TKT: variants seen among roughly 807,000 people sequenced by gnomAD.
TKT encodes the protein epididymis luminal protein 107.
In TKT, 47 loss-of-function variants were observed where a neutral mutation model predicts 63.9. That is an observed-to-expected ratio of 0.74 (90% CI 0.58 to 0.94). TKT has a LOEUF of 0.94. TKT is among the 40% of genes least tolerant of loss of function. TKT has a pLI of 0.00. For synonymous variants in TKT, 338 were observed against 334.1 expected (o/e 1.01, Z -0.13); for missense variants, 721 against 846.2 (o/e 0.85, Z 1.84).
At chr3:53,245,900 T>C (rs1320182748) in intron 1 of TKT, among the ~76,000 whole-genome samples, 1 of 152,178 alleles carries the variant, frequency 6.6e-6, no homozygotes, top group Non-Finnish European at 1.5e-5. Flanking sequence ...AAGATGCACA[T>C]CCCTTAACTC....
intron 12 of TKT, 51 bp from the exon 13 acceptor site, chr3:53,226,929 T>C: frequency 6.4e-7 from 1 of 1,557,104 alleles, no homozygotes; most frequent in Non-Finnish European, 8.7e-7. Context: ...GGCACCACTA[T>C]CTGCCCTGGT....
At chr3:53,236,318 C>T (rs1553678622) in intron 4 of TKT, among the ~76,000 whole-genome samples, 3 of 152,242 alleles carry the variant, frequency 2.0e-5, no homozygotes, top group East Asian at 1.9e-4. Flanking sequence ...CAGGAAGAGG[C>T]TGGGACAGCT....
At chr3:53,231,181 A>G (rs571710662) in intron 7 of TKT, among the ~76,000 whole-genome samples, 176 bp downstream of exon 7, 4 of 152,190 alleles carry the variant, frequency 2.6e-5, no homozygotes, top group African/African-American at 4.8e-5. Context: ...CTGCAGGTCA[A>G]CTCCAGAGAT....
At position 53,235,054 on chromosome 3, in the gene TKT, G is replaced by A. The variant is rs782321607; in HGVS notation, c.558C>T (p.Arg186=). ...GTGGGGCCGGGTCACTCTGGCCCAG[G>A]CGATTGATGTCTAGAATGGCCACAA... ...DNLVAILDIN[R]LGQSDPAPLQ... is the part of the protein sequence containing the mutation. Residue 186 remains arginine, a synonymous_variant, in exon 5 of 14, where the codon CGC becomes CGT. Coordinates refer to ENST00000462138, the MANE Select transcript of TKT (RefSeq NM_001064.4). The A allele has an allele frequency of 1.2e-6, 2 of 1,614,014 alleles. No individual in the cohort carries two copies. The highest frequency in any genetic ancestry group is 1.1e-5 in the South Asian group (1 of 91,086).
At chr3:53,228,705 C>G (rs77442860) in intron 10 of TKT, 1 of 519,870 alleles carries the variant, frequency 1.9e-6, no homozygotes, top group Non-Finnish European at 3.5e-6. Flanking sequence ...CTCAGCTCAT[C>G]CTTGCCTGTC....
intron 10 of TKT, 54 bp from the exon 11 acceptor site, chr3:53,228,413 G>A: frequency 6.3e-7 from 1 of 1,590,112 alleles, no homozygotes; most frequent in South Asian, 1.1e-5. Context: ...CCCAACCTCA[G>A]AGACGAGGTC....
intron 6 of TKT, 170 bp downstream of exon 6, chr3:53,232,986 G>A (rs1157165534): frequency 6.6e-6 from 4 of 605,768 alleles, no homozygotes; most frequent in Non-Finnish European, 8.7e-6. Flanking sequence ...TTAAATCCTG[G>A]CTCAGCCACA....
intron 4 of TKT, among the ~76,000 whole-genome samples, chr3:53,238,718 C>T (rs1332228243): frequency 6.6e-6 from 1 of 152,256 alleles, no homozygotes; most frequent in East Asian, 1.9e-4. Flanking sequence ...TGCCCTCAGC[C>T]TCTCCAAGAG....
At chr3:53,243,431 C>T (rs138850906) in intron 1 of TKT, among the ~76,000 whole-genome samples, 60 of 152,230 alleles carry the variant, frequency 3.9e-4, no homozygotes, top group African/African-American at 7.2e-4. Context: ...CTGGAGCTCA[C>T]GCCGCCAGCC....
intron 4 of TKT, chr3:53,237,815 G>C (rs782072747): frequency 6.6e-6 from 1 of 152,118 alleles, no homozygotes; most frequent in Non-Finnish European, 1.5e-5. Context: ...CCAGCTACTC[G>C]GGAGGCTGAG....
chr3:53,231,889 C>T (rs1704780683), intron 6 of TKT: 1 of 331,516 alleles, frequency 3.0e-6, no homozygotes, highest in Non-Finnish European at 5.5e-6. Context: ...TCCCCACAAC[C>T]CCGCCTGCAG....
chr3:53,230,665 G>C (rs782233401), intron 7 of TKT, 44 bp from the exon 8 acceptor site: 10 of 1,610,108 alleles, frequency 6.2e-6, no homozygotes, highest in Non-Finnish European at 8.5e-6. Flanking sequence ...CTCTGAGGGT[G>C]AGTGCACACC....
intron 13 of TKT, 58 bp from the exon 14 acceptor site, chr3:53,225,989 C>A: frequency 6.6e-7 from 1 of 1,525,464 alleles, no homozygotes; most frequent in South Asian, 1.2e-5. Context: ...AGTGGTGGGC[C>A]CAGCCCTCTG....
chr3:53,229,939 A>G (rs1553676613), intron 8 of TKT, among the ~76,000 whole-genome samples: 1 of 152,162 alleles, frequency 6.6e-6, no homozygotes, highest in Non-Finnish European at 1.5e-5. Context: ...AGGAGGGGAT[A>G]TTTTGAAAAC....
chr3:53,241,971 A>C, intron 2 of TKT, 154 bp downstream of exon 2: 1 of 702,404 alleles, frequency 1.4e-6, no homozygotes, highest in Non-Finnish European at 2.5e-6. Flanking sequence ...AGCACAGAGC[A>C]GGACACTGAG....
intron 1 of TKT, among the ~76,000 whole-genome samples, chr3:53,254,301 G>C (rs2106739014): frequency 6.6e-6 from 1 of 152,308 alleles, no homozygotes; most frequent in East Asian, 1.9e-4. Context: ...TGGTGAAAGG[G>C]GAGCTGAGAG....
chr3:53,229,481 G>C (rs1247102020), intron 8 of TKT, 45 bp from the exon 9 acceptor site: 7 of 1,566,840 alleles, frequency 4.5e-6, no homozygotes, highest in Non-Finnish European at 6.0e-6. Context: ...GCAGGCAGAG[G>C]GTGGTCGGGG....
chr3:53,230,757 CTT>C, intron 7 of TKT, 136 bp from the exon 8 acceptor site: 2 of 1,051,400 alleles, frequency 1.9e-6, no homozygotes, highest in Non-Finnish European at 2.7e-6. Flanking sequence ...CCTGCAGAGG[CTT>C]TTAACTGCTG....
rs781910440 is a variant in TKT, at chr3:53,233,118, A to G, written c.748+38T>C. ...GCTACGTAGCCACAGTGTCTGGGCG[A>G]GGGGTGAAGGTGGGGAGGGCGGCTT... On this transcript the variant is annotated intron_variant, in intron 6 of 13. Transcript: ENST00000462138. 3.8e-6 allele frequency: 6 copies of G among 1,573,492 alleles called. No individual in the cohort carries two copies. In the South Asian group the frequency reaches 4.5e-5, roughly 12 times the overall value.
Sources: allele counts gnomAD v4.1 joint callset (sites outside exome capture counted in the v4.1 genomes callset), GRCh38; gene constraint gnomAD v4.1.1; transcripts MANE v1.5; gene names NCBI Gene and HGNC (gene_info 2026-07-23, HGNC 2026-07-21).